UNC13C: variants seen among roughly 807,000 people sequenced by gnomAD.
The protein encoded by UNC13C is unc-13 homolog C.
Under a neutral mutation model 245.4 loss-of-function variants are expected in UNC13C, and 174 were observed. The ratio of observed to expected loss-of-function variants is 0.71; its 90% CI spans 0.63 to 0.80. The LOEUF is 0.80. Ranked by LOEUF, UNC13C falls within the 30% of genes least tolerant of loss-of-function variation. UNC13C has a pLI of 0.00. For missense variants in UNC13C, 2,829 were observed against 2,602.9 expected (o/e 1.09, Z -1.89); for synonymous variants, 992 against 895.1 (o/e 1.11, Z -1.93).
At chr15:54,158,329 T>C (rs2032836058) in intron 4 of UNC13C, among the ~76,000 whole-genome samples, 2 of 152,208 alleles carry the variant, frequency 1.3e-5, no homozygotes, top group Admixed American at 1.3e-4. Context: ...TTTACTCTTT[T>C]TTTTAATTTT....
At position 54,015,830 on chromosome 15, in the gene UNC13C, C is replaced by T; in HGVS notation, c.2927C>T (p.Ala976Val). Residue 976 changes from alanine to valine, a missense_variant, in exon 2 of 33, where the codon GCT (alanine) becomes GTT (valine). By Grantham distance (64) the Ala-to-Val change is moderately conservative (BLOSUM62 0). Transcript: ENST00000260323. ...ATTCGTCCTTCTTTCAAAGAAGCAGCTTTAAGGGCCTATAAAAAGCAAATG... is the reference window on the plus strand; with the variant it reads ...ATTCGTCCTTCTTTCAAAGAAGCAGTTTTAAGGGCCTATAAAAAGCAAATG... The part of the protein sequence containing the change: ...KRIRPSFKEA[A>V]LRAYKKQMAE... 6.2e-7 allele frequency: 1 copy of T among 1,608,514 alleles called. No homozygotes were observed. The highest frequency in any genetic ancestry group is 8.5e-7 in the Non-Finnish European group (1 of 1,177,686).
chr15:54,378,709 G>A (rs1263799443), intron 17 of UNC13C, among the ~76,000 whole-genome samples: 1 of 151,780 alleles, frequency 6.6e-6, no homozygotes, highest in Non-Finnish European at 1.5e-5. Flanking sequence ...ATTAAGGTAA[G>A]CTGAGACCAC....
In UNC13C at chr15:54,555,420, C is replaced by A. The variant is rs1428467274; in HGVS notation, c.5878-12C>A. 58 of 1,610,992 alleles carry A rather than the reference C, an allele frequency of 3.6e-5. No homozygotes were observed. The Admixed American group carries it at 9.4e-4, about 26-fold the overall frequency. On this transcript the variant is annotated splice_polypyrimidine_tract_variant and intron_variant, in intron 28 of 32. Transcript: ENST00000260323. ...TGGTTGTTTTATAAGCAATTCTTCA[C>A]CTGTTTTCCAGGAGCACATGATTCG...
the UNC13C span, among the ~76,000 whole-genome samples, chr15:53,940,779 CAAG>C: frequency 1.3e-5 from 2 of 152,168 alleles, no homozygotes; most frequent in South Asian, 2.1e-4. Flanking sequence ...AGGTCCTATT[CAAG>C]AAGAACTACA....
chr15:54,042,016 C>T (rs1191248638), intron 2 of UNC13C, among the ~76,000 whole-genome samples: 1 of 152,096 alleles, frequency 6.6e-6, no homozygotes, highest in Non-Finnish European at 1.5e-5. Flanking sequence ...GTTGAGCATT[C>T]CTAATCTGAA....
At chr15:53,859,883 G>C in the UNC13C span, among the ~76,000 whole-genome samples, 6 of 152,090 alleles carry the variant, frequency 3.9e-5, no homozygotes, top group Non-Finnish European at 7.4e-5. Flanking sequence ...AACGGTTTTG[G>C]ACTATGTGTT....
intron 2 of UNC13C, among the ~76,000 whole-genome samples, chr15:54,042,579 T>C (rs1479672730): frequency 2.0e-5 from 3 of 152,072 alleles, no homozygotes; most frequent in African/African-American, 7.2e-5. Flanking sequence ...TGAGGCCGGG[T>C]GTGGTGGGTC....
chr15:54,197,964 C>T (rs78505054), intron 4 of UNC13C, among the ~76,000 whole-genome samples: 28,019 of 151,932 alleles, frequency 0.18, 2,889 homozygotes, highest in East Asian at 0.24. Flanking sequence ...GAAATAGACT[C>T]GGTGCTGTTG....
intron 4 of UNC13C, among the ~76,000 whole-genome samples, chr15:54,206,463 A>G (rs1321144912): frequency 1.3e-5 from 2 of 152,096 alleles, no homozygotes; most frequent in African/African-American, 4.8e-5. Context: ...ATGGTTGACA[A>G]CCGGAATATT....
chr15:54,564,898 A>G (rs1390836542), intron 29 of UNC13C, among the ~76,000 whole-genome samples: 1 of 152,026 alleles, frequency 6.6e-6, no homozygotes, highest in Non-Finnish European at 1.5e-5. Flanking sequence ...AGTGGAAAAC[A>G]GTATTTTTAA....
upstream of UNC13C, among the ~76,000 whole-genome samples, chr15:53,976,155 G>A (rs762082518): frequency 6.6e-6 from 1 of 152,036 alleles, no homozygotes; most frequent in African/African-American, 2.4e-5. Context: ...TCACTCTAAC[G>A]GCAACATATT....
At chr15:53,865,615 T>C in the UNC13C span, among the ~76,000 whole-genome samples, 2 of 152,138 alleles carry the variant, frequency 1.3e-5, no homozygotes, top group Non-Finnish European at 2.9e-5. Flanking sequence ...ATATGAATTT[T>C]GATGGGGAAA....
intron 18 of UNC13C, among the ~76,000 whole-genome samples, chr15:54,404,863 AGTGCT>A (rs1167838143): frequency 6.6e-6 from 1 of 152,178 alleles, no homozygotes; most frequent in Non-Finnish European, 1.5e-5. Flanking sequence ...AAAACCATTC[AGTGCT>A]GTGAGTACAT....
chr15:54,228,808 G>C lies in UNC13C; in HGVS notation c.3072-6222G>C, dbSNP rs185528372. On this transcript the variant is annotated intron_variant, in intron 4 of 32. Transcript: ENST00000260323. Reference sequence around the variant, plus strand: ...AGTGTCTATCCCAGACCTGTGAGCTGTGCTGCCTGGGGTTGGGGAAATGGG... The same window carrying C: ...AGTGTCTATCCCAGACCTGTGAGCTCTGCTGCCTGGGGTTGGGGAAATGGG... Among the ~76,000 whole-genome samples, 24 of 152,280 alleles carry C rather than the reference G, an allele frequency of 1.6e-4. 1 individual carries two copies. Among genetic ancestry groups the C allele is most frequent in the Middle Eastern group, 6.8e-3 (2 of 294 alleles).
At chr15:53,971,334 A>C in the UNC13C span, among the ~76,000 whole-genome samples, 1 of 152,220 alleles carries the variant, frequency 6.6e-6, no homozygotes, top group Non-Finnish European at 1.5e-5. Flanking sequence ...TAAAATATAA[A>C]ACTATAAAAC....
intron 27 of UNC13C, 37 bp from the exon 28 acceptor site, chr15:54,549,598 A>T: frequency 6.7e-7 from 1 of 1,492,000 alleles, no homozygotes; most frequent in Non-Finnish European, 9.2e-7. Context: ...TGAATATCTT[A>T]AGACTGAGTC....
chr15:54,042,058 C>A (rs1249292952), intron 2 of UNC13C, among the ~76,000 whole-genome samples: 1 of 152,086 alleles, frequency 6.6e-6, no homozygotes, highest in Non-Finnish European at 1.5e-5. Flanking sequence ...TGAGCACCAA[C>A]AAGATGCTGC....
intron 17 of UNC13C, among the ~76,000 whole-genome samples, chr15:54,389,809 A>G (rs1567233148): frequency 6.6e-6 from 1 of 151,906 alleles, no homozygotes; most frequent in Non-Finnish European, 1.5e-5. Context: ...GCTCACTGCA[A>G]CCGCCACCTC....
At chr15:53,943,233 T>G in the UNC13C span, among the ~76,000 whole-genome samples, 8 of 152,212 alleles carry the variant, frequency 5.3e-5, no homozygotes, top group Non-Finnish European at 1.0e-4. Flanking sequence ...CAAGTTTAAG[T>G]GGCTCTGTTT....
Sources: allele counts gnomAD v4.1 joint callset (sites outside exome capture counted in the v4.1 genomes callset), GRCh38; gene constraint gnomAD v4.1.1; transcripts MANE v1.5; gene names NCBI Gene and HGNC (gene_info 2026-07-23, HGNC 2026-07-21).